EREG: variants seen among roughly 807,000 people sequenced by gnomAD.
EREG encodes the protein proepiregulin.
EREG carries 23 observed loss-of-function variants against 22.4 expected under a neutral mutation model. That is an observed-to-expected ratio of 1.03 (90% CI 0.74 to 1.46). EREG has a LOEUF of 1.46. Among genes scored for constraint, EREG ranks in the 40% most tolerant of loss-of-function variants. EREG has a pLI of 0.00. For synonymous variants in EREG, 100 were observed against 75.4 expected (o/e 1.33, Z -1.69); for missense variants, 226 against 205.9 (o/e 1.10, Z -0.60).
Position 74,379,338 on chromosome 4 carries a change from C to T in EREG, c.68-110C>T, listed in dbSNP as rs780827608. ...ATTTTGTTTTATGGTTTTGATGGAC[C>T]AAATCTGTGAAACAAAACAACTCTA... On this transcript the variant is annotated intron_variant, in intron 1 of 4. Transcript: ENST00000244869. 4.2e-4 allele frequency: 279 copies of T among 661,476 alleles called. 1 individual carries two copies. Among genetic ancestry groups the T allele is most frequent in the Non-Finnish European group, 6.9e-4 (256 of 371,680 alleles). 41.0% of individuals were successfully genotyped at this position (661,476 alleles called of 1,614,324 possible). A position where few individuals can be genotyped will look rare whatever the true frequency, so the allele number is the denominator to read the frequency against.
Position 74,384,881 on chromosome 4 carries a change from A to G in EREG, c.*73A>G. On this transcript the variant is annotated 3_prime_UTR_variant, in exon 5 of 5. Transcript: ENST00000244869. Reference sequence around the variant, plus strand: ...TATTAATATTCCCATTTTATTAATAATATTTATGTTGGGTCAAGTGTTAGG... The same window carrying G: ...TATTAATATTCCCATTTTATTAATAGTATTTATGTTGGGTCAAGTGTTAGG... 5.9e-6 allele frequency: 5 copies of G among 844,844 alleles called. No individual in the cohort carries two copies. Among genetic ancestry groups the G allele is most frequent in the Non-Finnish European group, 9.7e-6 (5 of 515,202 alleles). The allele number at this position is 844,844 out of a possible 1,614,324, so 52.3% of individuals were successfully genotyped here.
Position 74,381,005 on chromosome 4 carries a change from C to A in EREG, c.155-9C>A. On this transcript the variant is annotated splice_polypyrimidine_tract_variant and intron_variant, in intron 2 of 4. Coordinates refer to ENST00000244869, the MANE Select transcript of EREG (RefSeq NM_001432.3). ...GCAGAATATATTCAACTTTCCACTT[C>A]TTTTACAGTTCAGACAGAAGACAAT... The A allele has an allele frequency of 6.2e-7, 1 of 1,610,156 alleles. No individual in the cohort carries two copies. The highest frequency in any genetic ancestry group is 1.1e-5 in the South Asian group (1 of 89,986).
intron 1 of EREG, among the ~76,000 whole-genome samples, chr4:74,374,959 G>C (rs1382834617): frequency 6.6e-6 from 1 of 152,194 alleles, no homozygotes; most frequent in Non-Finnish European, 1.5e-5. Context: ...TATTGTAAAA[G>C]AAGCGCCAAC....
chr4:74,374,945 G>A (rs1024721458), intron 1 of EREG, among the ~76,000 whole-genome samples: 5 of 152,172 alleles, frequency 3.3e-5, no homozygotes, highest in African/African-American at 1.2e-4. Flanking sequence ...CATTTTTGCA[G>A]CTGTATTGTA....
Position 74,385,806 on chromosome 4 carries a change from T to C in EREG, c.*998T>C, listed in dbSNP as rs2110390920. The C allele has an allele frequency of 2.5e-6, 1 of 395,792 alleles. No homozygotes were observed. Among genetic ancestry groups the C allele is most frequent in the African/African-American group, 2.1e-5 (1 of 48,662 alleles). 24.5% of individuals were successfully genotyped at this position (395,792 alleles called of 1,614,324 possible). ...TTGTCTTAAGATGGAAATACAGTTATTTCATCTTTTATTCAAGGAAGTTTT... is the reference window on the plus strand; with the variant it reads ...TTGTCTTAAGATGGAAATACAGTTACTTCATCTTTTATTCAAGGAAGTTTT... On this transcript the variant is annotated 3_prime_UTR_variant, in exon 5 of 5. Transcript: ENST00000244869.
intron 2 of EREG, among the ~76,000 whole-genome samples, chr4:74,380,299 G>A (rs1752452698): frequency 6.6e-6 from 1 of 151,806 alleles, no homozygotes; most frequent in Non-Finnish European, 1.5e-5. Context: ...GGTTATTTGG[G>A]CAAGAGTATT....
Position 74,384,821 on chromosome 4 carries a change from A to C in EREG, c.*13A>C. The C allele has an allele frequency of 1.3e-6, 2 of 1,550,324 alleles. No individual in the cohort carries two copies. The highest frequency in any genetic ancestry group is 3.3e-5 in the Admixed American group (2 of 59,872). ...GCCGCAAGTCTGAATGGCGCCATCA[A>C]ACTTATGGGCAGGGATAACAGTGTG... On this transcript the variant is annotated 3_prime_UTR_variant, in exon 5 of 5. Transcript: ENST00000244869.
At chr4:74,373,108 G>C (rs1355067443) in intron 1 of EREG, among the ~76,000 whole-genome samples, 2 of 150,672 alleles carry the variant, frequency 1.3e-5, no homozygotes, top group East Asian at 3.9e-4. Flanking sequence ...CATAAGAGTT[G>C]GTATGTATTC....
chr4:74,378,012 T>C (rs987835307), intron 1 of EREG, among the ~76,000 whole-genome samples: 1 of 152,196 alleles, frequency 6.6e-6, no homozygotes, highest in Non-Finnish European at 1.5e-5. Context: ...CTGTCTGAAC[T>C]GTGAAAGAAA....
chr4:74,383,321 C>T (rs1053082646), intron 4 of EREG, among the ~76,000 whole-genome samples: 2 of 152,128 alleles, frequency 1.3e-5, no homozygotes, highest in Admixed American at 6.5e-5. Context: ...CCTCAAGTCA[C>T]ATTTTTTATT....
At chr4:74,369,755 T>C (rs1752258820) in intron 1 of EREG, among the ~76,000 whole-genome samples, 1 of 152,136 alleles carries the variant, frequency 6.6e-6, no homozygotes, top group Non-Finnish European at 1.5e-5. Flanking sequence ...ACAGATTTCA[T>C]GCACCAGTTT....
chr4:74,376,429 C>G lies in EREG; in HGVS notation c.68-3019C>G, dbSNP rs537594461. 1.6e-4 allele frequency among the ~76,000 whole-genome samples: 24 copies of G among 152,216 alleles called. No homozygotes were observed. The South Asian group carries it at 4.6e-3, about 29-fold the overall frequency. ...AAAACTCCAATTTGTACCGAGGAAA[C>G]TGTATTAGTTAAAGGATTTCATTCT... On this transcript the variant is annotated intron_variant, in intron 1 of 4. Transcript: ENST00000244869.
At chr4:74,368,120 T>C (rs1026690753) in intron 1 of EREG, among the ~76,000 whole-genome samples, 2 of 152,152 alleles carry the variant, frequency 1.3e-5, no homozygotes, top group Non-Finnish European at 1.5e-5. Context: ...ATAATAAACA[T>C]AGCAGATTCT....
At chr4:74,380,971 A>G (rs1247665092) in intron 2 of EREG, 43 bp from the exon 3 acceptor site, 2 of 1,593,166 alleles carry the variant, frequency 1.3e-6, no homozygotes, top group East Asian at 4.5e-5. Flanking sequence ...AAATTCTTCC[A>G]TGAAGGCTGC....
At chr4:74,373,773 CAT>C (rs1212366772) in intron 1 of EREG, among the ~76,000 whole-genome samples, 3 of 149,878 alleles carry the variant, frequency 2.0e-5, no homozygotes, top group South Asian at 2.1e-4. Context: ...CACACACACA[CAT>C]ATATATACTC....
intron 1 of EREG, among the ~76,000 whole-genome samples, chr4:74,366,508 A>G (rs577799073): frequency 6.6e-6 from 1 of 152,354 alleles, no homozygotes; most frequent in South Asian, 2.1e-4. Context: ...AAGACTTGCT[A>G]GAAGATTCTC....
chr4:74,384,848 C>T lies in EREG; in HGVS notation c.*40C>T, dbSNP rs192335022. ...CTTATGGGCAGGGATAACAGTGTGC[C>T]TGGTTAATATTAATATTCCCATTTT... On this transcript the variant is annotated 3_prime_UTR_variant, in exon 5 of 5. Coordinates refer to ENST00000244869, the MANE Select transcript of EREG (RefSeq NM_001432.3). The T allele has an allele frequency of 6.3e-4, 766 of 1,218,548 alleles. 2 individuals carry two copies. The highest frequency in any genetic ancestry group is 8.1e-4 in the Non-Finnish European group (673 of 828,780). The allele number at this position is 1,218,548 out of a possible 1,614,324, so 75.5% of individuals were successfully genotyped here. A position where few individuals can be genotyped will look rare whatever the true frequency, so the allele number is the denominator to read the frequency against.
chr4:74,380,422 TG>T (rs1274627774), intron 2 of EREG, among the ~76,000 whole-genome samples: 3 of 152,230 alleles, frequency 2.0e-5, no homozygotes, highest in Non-Finnish European at 4.4e-5. Context: ...TGCTGTTATT[TG>T]TCTACCAGAG....
At chr4:74,374,852 G>A (rs2110385864) in intron 1 of EREG, among the ~76,000 whole-genome samples, 1 of 152,188 alleles carries the variant, frequency 6.6e-6, no homozygotes, top group East Asian at 1.9e-4. Flanking sequence ...GAAAAATGAA[G>A]GCAGAGAGAT....
Sources: allele counts gnomAD v4.1 joint callset (sites outside exome capture counted in the v4.1 genomes callset), GRCh38; gene constraint gnomAD v4.1.1; transcripts MANE v1.5; gene names NCBI Gene and HGNC (gene_info 2026-07-23, HGNC 2026-07-21).